Variants in ROBO2 observed in about 807,000 individuals in gnomAD.
The protein encoded by ROBO2 is roundabout guidance receptor 2.
ROBO2 carries 53 observed loss-of-function variants against 160.8 expected under a neutral mutation model. The ratio of observed to expected loss-of-function variants is 0.33; its 90% CI spans 0.26 to 0.41. ROBO2 has a LOEUF of 0.41. Ranked by LOEUF, ROBO2 falls within the 10% of genes least tolerant of loss-of-function variation. ROBO2 has a pLI of 1.00. For missense variants in ROBO2, 1,577 were observed against 1,722.4 expected (o/e 0.92, Z 1.49); for synonymous variants, 664 against 611.7 (o/e 1.09, Z -1.26).
At chr3:77,188,983 G>GAGAGAGAGAA (rs1560194731) in intron 2 of ROBO2, among the ~76,000 whole-genome samples, 20 of 148,482 alleles carry the variant, frequency 1.3e-4, no homozygotes, top group Admixed American at 2.7e-4. Context: ...GAGAGAGAGA[G>GAGAGAGAGAA]AGAGAGAGAG....
At chr3:77,508,260 A>C (rs775696738) in intron 5 of ROBO2, among the ~76,000 whole-genome samples, 1 of 149,670 alleles carries the variant, frequency 6.7e-6, no homozygotes, top group Non-Finnish European at 1.5e-5. Context: ...TTGAATCTCT[A>C]ATCTTTAAAT....
At chr3:77,631,862 A>G (rs2095169905) in intron 23 of ROBO2, 1 of 152,130 alleles carries the variant, frequency 6.6e-6, no homozygotes, top group South Asian at 2.1e-4. Context: ...AAGCAGAAAG[A>G]GCATTTAAAT....
chr3:77,277,274 A>T (rs2059947109), intron 2 of ROBO2, among the ~76,000 whole-genome samples: 2 of 124,444 alleles, frequency 1.6e-5, no homozygotes, highest in African/African-American at 3.1e-5. Context: ...TCTTTCTTTT[A>T]GAGTTCATTG....
intron 2 of ROBO2, among the ~76,000 whole-genome samples, chr3:76,952,101 C>T (rs910950213): frequency 6.6e-6 from 1 of 152,180 alleles, no homozygotes; most frequent in Admixed American, 6.5e-5. Flanking sequence ...AGACTGATGA[C>T]TTTCAGCAGA....
chr3:76,614,468 C>T (rs2088402274), intron 2 of ROBO2, among the ~76,000 whole-genome samples: 1 of 152,090 alleles, frequency 6.6e-6, no homozygotes, highest in African/African-American at 2.4e-5. Context: ...TCCTGCCTTG[C>T]ACTACATAGA....
At chr3:77,095,694 C>A (rs2070954170) in intron 1 of ROBO2, among the ~76,000 whole-genome samples, 1 of 152,126 alleles carries the variant, frequency 6.6e-6, no homozygotes, top group African/African-American at 2.4e-5. Flanking sequence ...TGTGTCCAGA[C>A]CTTTACATTG....
chr3:77,321,572 G>A (rs1029964221), intron 2 of ROBO2, among the ~76,000 whole-genome samples: 20 of 152,076 alleles, frequency 1.3e-4, no homozygotes, highest in Non-Finnish European at 2.8e-4. Flanking sequence ...AAATTTTAGA[G>A]AGAGGCGATA....
intron 2 of ROBO2, among the ~76,000 whole-genome samples, chr3:76,235,924 A>C (rs1394103126): frequency 6.6e-6 from 1 of 152,198 alleles, no homozygotes; most frequent in Non-Finnish European, 1.5e-5. Context: ...AGGATGAAGA[A>C]AGCAGGGAAG....
Position 76,446,896 on chromosome 3 carries a change from T to C in ROBO2, c.109+509294T>C, listed in dbSNP as rs185867070. Among the ~76,000 whole-genome samples the C allele has an allele frequency of 5.9e-3, 894 of 152,270 alleles. 10 individuals carry two copies. The highest frequency in any genetic ancestry group is 0.019 in the African/African-American group (809 of 41,522). On this transcript the variant is annotated intron_variant, in intron 2 of 26. Coordinates refer to the ROBO2 transcript ENST00000487694. ...ACCTTATACAAAAATTAATTCAAGGTGGATTAAAGACTTAAATATTAGATC... is the reference window on the plus strand; with the variant it reads ...ACCTTATACAAAAATTAATTCAAGGCGGATTAAAGACTTAAATATTAGATC...
rs1031171933 is a variant in ROBO2 at position 77,433,461 on chromosome 3, G to A, written c.389-43953G>A. 2.5e-5 allele frequency among the ~76,000 whole-genome samples: 3 copies of A among 121,632 alleles called. 1 individual carries two copies. The highest frequency in any genetic ancestry group is 5.2e-5 in the Non-Finnish European group (3 of 57,538). The allele number at this position is 121,632 out of a possible 152,430, so 79.8% of individuals were successfully genotyped here. ...GGTGCTAGATGCCCTGCACGCTAAG[G>A]ATTTTCCTTCTTCTCTGGCAACTTG... On this transcript the variant is annotated intron_variant, in intron 2 of 25. Coordinates refer to ENST00000461745, the Ensembl canonical transcript of ROBO2.
At chr3:77,220,236 T>G (rs1438087498) in intron 2 of ROBO2, among the ~76,000 whole-genome samples, 1 of 152,116 alleles carries the variant, frequency 6.6e-6, no homozygotes, top group Non-Finnish European at 1.5e-5. Flanking sequence ...GGTCTCGAAC[T>G]CCTGACCTCA....
chr3:76,444,331 A>T (rs1477849064), intron 2 of ROBO2, among the ~76,000 whole-genome samples: 1 of 152,016 alleles, frequency 6.6e-6, no homozygotes, highest in African/African-American at 2.4e-5. Flanking sequence ...TAAATAACTT[A>T]AAAAATCTAG....
intron 2 of ROBO2, among the ~76,000 whole-genome samples, chr3:77,119,517 T>G (rs912962947): frequency 2.6e-5 from 4 of 152,150 alleles, no homozygotes; most frequent in African/African-American, 9.7e-5. Flanking sequence ...TTAATCAACT[T>G]AGAAGAAAAT....
intron 2 of ROBO2, among the ~76,000 whole-genome samples, chr3:76,631,942 G>A (rs939762512): frequency 4.6e-5 from 7 of 152,146 alleles, no homozygotes; most frequent in African/African-American, 1.4e-4. Context: ...AAATAATAAG[G>A]CATTACTTCA....
intron 2 of ROBO2, among the ~76,000 whole-genome samples, chr3:76,975,618 G>T (rs1287238500): frequency 2.0e-5 from 3 of 151,976 alleles, no homozygotes; most frequent in African/African-American, 7.2e-5. Flanking sequence ...CTGTTTTCCC[G>T]AAGCTTTCTT....
intron 2 of ROBO2, among the ~76,000 whole-genome samples, chr3:76,283,848 A>C (rs1369786851): frequency 1.3e-5 from 2 of 152,032 alleles, no homozygotes; most frequent in Non-Finnish European, 2.9e-5. Flanking sequence ...AATGTTGAGA[A>C]AATTTTTCAT....
chr3:77,199,620 A>ATT lies in ROBO2; in HGVS notation c.388+101301_388+101302dup, dbSNP rs66672194. On this transcript the variant is annotated intron_variant, in intron 2 of 25. Transcript: ENST00000461745. ...TTTTATTCTGATGGACTCAGTCACC[A>ATT]TTTTTTTTTTTTTTTTTTTTTTGTG... 1.4e-3 allele frequency among the ~76,000 whole-genome samples: 169 copies of ATT among 118,160 alleles called. 1 individual carries two copies. The highest frequency in any genetic ancestry group is 2.3e-3 in the African/African-American group (68 of 28,944). The allele number at this position is 118,160 out of a possible 152,430, so 77.5% of individuals were successfully genotyped here. A position where few individuals can be genotyped will look rare whatever the true frequency, so the allele number is the denominator to read the frequency against.
At position 76,048,065 on chromosome 3, in the gene ROBO2, A is replaced by G. The variant is rs994416058; in HGVS notation, c.109+110463A>G. Among the ~76,000 whole-genome samples, 10 of 152,196 alleles carry G rather than the reference A, an allele frequency of 6.6e-5. No individual in the cohort carries two copies. The East Asian group carries it at 1.9e-3, about 29-fold the overall frequency. ...TGCTTGATACTGAGCATTGTATTAG[A>G]GGCTTTTCATATATTATCTCATTTA... is the stretch of plus-strand genomic sequence containing the variant. On this transcript the variant is annotated intron_variant, in intron 2 of 26. Coordinates refer to the ROBO2 transcript ENST00000487694.
intron 2 of ROBO2, among the ~76,000 whole-genome samples, chr3:76,798,308 G>GAAAGAAAGAAAGAAAGAAAGAAAGAA (rs1386837917): frequency 6.7e-6 from 1 of 149,348 alleles, no homozygotes; most frequent in Non-Finnish European, 1.5e-5. Flanking sequence ...AAGAAAGAAA[G>GAAAGAAAGAAAGAAAGAAAGAAAGAA]AAAGAAAAAA....
Sources: gnomAD v4.1 joint callset for allele counts (sites outside exome capture counted in the v4.1 genomes callset) on GRCh38, gnomAD v4.1.1 for gene constraint, MANE v1.5 for transcripts, NCBI Gene and HGNC (gene_info 2026-07-23, HGNC 2026-07-21) for gene names.